Variants in SH3RF3 observed in about 807,000 individuals in gnomAD.
The protein encoded by SH3RF3 is SH3 domain containing ring finger 3.
Under a neutral mutation model 66.3 loss-of-function variants are expected in SH3RF3, and 29 were observed. The ratio of observed to expected loss-of-function variants is 0.44; its 90% CI spans 0.33 to 0.60. The LOEUF (loss-of-function observed/expected upper bound fraction) is 0.60, where lower values mean the gene tolerates loss of function less well. Ranked by LOEUF, SH3RF3 falls within the 20% of genes least tolerant of loss-of-function variation. SH3RF3 has a pLI of 0.04. For missense variants in SH3RF3, 1,194 were observed against 1,190.9 expected, an observed-to-expected ratio of 1.00 and a Z score of -0.04; for synonymous variants, 583 against 532.0, an observed-to-expected ratio of 1.10 and a Z score of -1.32.
At chr2:109,184,627 C>T (rs1310530254) in intron 1 of SH3RF3, among the ~76,000 whole-genome samples, 1 of 152,138 alleles carries the variant, frequency 6.6e-6, no homozygotes, top group African/African-American at 2.4e-5. Flanking sequence ...CCATGGGCTT[C>T]CCAGAGAGTG....
At chr2:109,470,381 A>G (rs956513858) in intron 8 of SH3RF3, among the ~76,000 whole-genome samples, 1 of 152,162 alleles carries the variant, frequency 6.6e-6, no homozygotes, top group Admixed American at 6.5e-5. Flanking sequence ...CTGGATCTCA[A>G]CAAGTCCCTG....
At chr2:109,174,802 G>A (rs757693301) in intron 1 of SH3RF3, among the ~76,000 whole-genome samples, 56 of 152,338 alleles carry the variant, frequency 3.7e-4, no homozygotes, top group Middle Eastern at 3.4e-3. Context: ...AGACCCATGA[G>A]GGCAGGGGCT....
At chr2:109,218,065 G>T (rs1357020697) in intron 1 of SH3RF3, among the ~76,000 whole-genome samples, 1 of 152,128 alleles carries the variant, frequency 6.6e-6, no homozygotes, top group East Asian at 1.9e-4. Flanking sequence ...TGCGGGGAGG[G>T]GTGCTGTGTT....
intron 7 of SH3RF3, among the ~76,000 whole-genome samples, chr2:109,445,756 G>C (rs554134178): frequency 4.6e-5 from 7 of 152,260 alleles, no homozygotes; most frequent in African/African-American, 7.2e-5. Flanking sequence ...GAAGTAGAGA[G>C]GGGGGTTGGC....
At chr2:109,482,876 C>T (rs984906595) in intron 8 of SH3RF3, among the ~76,000 whole-genome samples, 1 of 152,184 alleles carries the variant, frequency 6.6e-6, no homozygotes, top group African/African-American at 2.4e-5. Context: ...TGCTGCCTCC[C>T]GTTCCCTGCT....
intron 4 of SH3RF3, among the ~76,000 whole-genome samples, chr2:109,413,958 G>A (rs1676658918): frequency 6.6e-6 from 1 of 152,232 alleles, no homozygotes; most frequent in Non-Finnish European, 1.5e-5. Context: ...GTGCATGTCA[G>A]CATTCCCAAG....
Position 109,398,607 on chromosome 2 carries a change from G to A in SH3RF3, c.963G>A (p.Lys321=), listed in dbSNP as rs1417114009. The change falls in exon 4 of 10, where the codon AAG becomes AAA. Residue 321 remains lysine (K), a synonymous_variant. Coordinates refer to ENST00000309415, the MANE Select transcript of SH3RF3 (RefSeq NM_001099289.3). ...LLYVELNDSA[K]QLIEMDKPCP... is the part of the protein sequence containing the mutation. ...TCACTCAGCTCAATGACTCCGCCAA[G>A]CAGCTCATTGAGATGGACAAGCCAT... The A allele has an allele frequency of 1.3e-6, 2 of 1,576,412 alleles. No individual in the cohort carries two copies. The highest frequency in any genetic ancestry group is 1.8e-5 in the Admixed American group (1 of 55,638).
chr2:109,136,368 A>G (rs890123763), intron 1 of SH3RF3, among the ~76,000 whole-genome samples: 2 of 152,074 alleles, frequency 1.3e-5, no homozygotes, highest in Non-Finnish European at 1.5e-5. Flanking sequence ...TGCATGCTTG[A>G]TGGGTATCCT....
At chr2:109,477,452 T>C (rs1678713428) in intron 8 of SH3RF3, among the ~76,000 whole-genome samples, 1 of 152,214 alleles carries the variant, frequency 6.6e-6, no homozygotes, top group Admixed American at 6.5e-5. Context: ...GAAACGGGCA[T>C]AGAGTTCTCC....
At chr2:109,364,774 C>T (rs1171335817) in intron 2 of SH3RF3, among the ~76,000 whole-genome samples, 2 of 152,142 alleles carry the variant, frequency 1.3e-5, no homozygotes, top group Non-Finnish European at 2.9e-5. Flanking sequence ...TTCCCTTGCC[C>T]CCAGTAGGTA....
chr2:109,408,545 T>G (rs1676506755), intron 4 of SH3RF3, among the ~76,000 whole-genome samples: 1 of 152,212 alleles, frequency 6.6e-6, no homozygotes, highest in East Asian at 1.9e-4. Flanking sequence ...GGGTTCGCTC[T>G]CAGGACCTCG....
At chr2:109,434,000 G>A (rs932183578) in intron 6 of SH3RF3, among the ~76,000 whole-genome samples, 2 of 149,344 alleles carry the variant, frequency 1.3e-5, no homozygotes, top group African/African-American at 2.6e-5. Flanking sequence ...GCGCAGCCCC[G>A]AAGAAGGTCT....
chr2:109,299,461 C>T (rs1331110273), intron 1 of SH3RF3, among the ~76,000 whole-genome samples: 2 of 152,066 alleles, frequency 1.3e-5, no homozygotes, highest in African/African-American at 2.4e-5. Flanking sequence ...GTCTGCCAGC[C>T]ACCAGGGCCT....
intron 1 of SH3RF3, among the ~76,000 whole-genome samples, chr2:109,337,610 C>A (rs4676276): frequency 0.65 from 98,490 of 152,002 alleles, 33,998 homozygotes; most frequent in East Asian, 0.91. Flanking sequence ...GAAGTCCATC[C>A]TCCATTGGTG....
chr2:109,166,927 C>A (rs1445926715), intron 1 of SH3RF3, among the ~76,000 whole-genome samples: 2 of 152,186 alleles, frequency 1.3e-5, no homozygotes, highest in African/African-American at 4.8e-5. Flanking sequence ...TTTATGCATG[C>A]AACATGATGC....
chr2:109,367,732 T>C (rs1335910144), intron 2 of SH3RF3, among the ~76,000 whole-genome samples: 2 of 152,248 alleles, frequency 1.3e-5, no homozygotes, highest in African/African-American at 4.8e-5. Context: ...CTCTAGTTTT[T>C]CTCTAGTTTA....
chr2:109,218,401 C>T (rs373375304), intron 1 of SH3RF3, among the ~76,000 whole-genome samples: 7 of 152,122 alleles, frequency 4.6e-5, no homozygotes, highest in African/African-American at 1.7e-4. Flanking sequence ...GTTCTAGAAA[C>T]AGTCTTTGAG....
At chr2:109,441,132 C>CA (rs55649222) in intron 7 of SH3RF3, among the ~76,000 whole-genome samples, 2,154 of 134,036 alleles carry the variant, frequency 0.016, 52 homozygotes, top group African/African-American at 0.047. Context: ...TATAGGAATA[C>CA]AAAAAAAAAA....
intron 1 of SH3RF3, among the ~76,000 whole-genome samples, chr2:109,142,051 G>GC (rs911555269): frequency 4.6e-5 from 7 of 151,658 alleles, no homozygotes; most frequent in Non-Finnish European, 7.4e-5. Context: ...CCTGGGGGGG[G>GC]GGTCTCAGGT....
Sources: allele counts gnomAD v4.1 joint callset (sites outside exome capture counted in the v4.1 genomes callset), GRCh38; gene constraint gnomAD v4.1.1; transcripts MANE v1.5; gene names NCBI Gene and HGNC (gene_info 2026-07-23, HGNC 2026-07-21).